LUZP1: variants seen among roughly 807,000 people sequenced by gnomAD.
LUZP1 encodes leucine zipper protein 1.
In LUZP1, 25 loss-of-function variants were observed where a neutral mutation model predicts 71.3. The observed-to-expected ratio is 0.35, with a 90% CI of 0.26 to 0.49. The LOEUF (loss-of-function observed/expected upper bound fraction) is 0.49, where lower values mean the gene tolerates loss of function less well. Among genes scored for constraint, LUZP1 ranks in the 20% least tolerant of loss-of-function variants. The pLI is 0.99. For missense variants in LUZP1, 1,142 were observed against 1,300.8 expected (o/e 0.88, Z 1.88); for synonymous variants, 481 against 506.4 (o/e 0.95, Z 0.67).
At chr1:23,121,731 T>A (rs1644131126) in intron 2 of LUZP1, among the ~76,000 whole-genome samples, 1 of 151,532 alleles carries the variant, frequency 6.6e-6, no homozygotes, top group Non-Finnish European at 1.5e-5. Flanking sequence ...TAAAAAGTAG[T>A]CTGGGCATGG....
chr1:23,142,563 G>A (rs1005780181), intron 2 of LUZP1, among the ~76,000 whole-genome samples: 4 of 152,028 alleles, frequency 2.6e-5, no homozygotes, highest in African/African-American at 7.2e-5. Flanking sequence ...GTTCTGAATC[G>A]GACTTTAGGG....
intron 2 of LUZP1, among the ~76,000 whole-genome samples, chr1:23,139,019 A>AAAAAAAAAAAAATATATATAT (rs1317355746): frequency 1.7e-5 from 1 of 59,954 alleles, no homozygotes; most frequent in Admixed American, 2.7e-4. Context: ...AAAAAAAAAA[A>AAAAAAAAAAAAATATATATAT]ATATATATAT....
chr1:23,168,165 C>T (rs1034211813), intron 2 of LUZP1, among the ~76,000 whole-genome samples: 1 of 144,026 alleles, frequency 6.9e-6, no homozygotes, highest in Non-Finnish European at 1.5e-5. Flanking sequence ...CCGCCCGGCC[C>T]GCGGCCCGCG....
intron 2 of LUZP1, among the ~76,000 whole-genome samples, chr1:23,157,627 C>T (rs1186375994): frequency 6.6e-6 from 1 of 152,050 alleles, no homozygotes; most frequent in Non-Finnish European, 1.5e-5. Context: ...CTCATCTCTA[C>T]TAAAAATACA....
intron 2 of LUZP1, among the ~76,000 whole-genome samples, chr1:23,126,638 T>G (rs1162286666): frequency 6.6e-6 from 1 of 152,124 alleles, no homozygotes; most frequent in Non-Finnish European, 1.5e-5. Context: ...TCCACAGAAG[T>G]TTAAATACGA....
intron 2 of LUZP1, among the ~76,000 whole-genome samples, chr1:23,120,849 A>C (rs1247591940): frequency 6.6e-6 from 1 of 152,206 alleles, no homozygotes; most frequent in Non-Finnish European, 1.5e-5. Flanking sequence ...TTTCATATTT[A>C]GCCTCTCTTG....
At chr1:23,177,774 G>C (rs1569734303) in exon 1 of LUZP1, 1 of 152,160 alleles carries the variant, frequency 6.6e-6, no homozygotes, top group South Asian at 2.1e-4. Flanking sequence ...AGCCGGCCGC[G>C]GGCCTGGGAA....
intron 2 of LUZP1, among the ~76,000 whole-genome samples, chr1:23,142,700 T>TACACACAC (rs60316911): frequency 3.4e-4 from 36 of 104,378 alleles, no homozygotes; most frequent in South Asian, 1.1e-3. Context: ...TATATATATA[T>TACACACAC]ACACACACAC....
intron 2 of LUZP1, among the ~76,000 whole-genome samples, chr1:23,125,130 C>T (rs1037101084): frequency 6.6e-6 from 1 of 152,192 alleles, no homozygotes; most frequent in African/African-American, 2.4e-5. Flanking sequence ...ATAGCCCTCC[C>T]TGGAAGCTGG....
At chr1:23,139,821 G>A (rs998698712) in intron 2 of LUZP1, among the ~76,000 whole-genome samples, 3 of 151,910 alleles carry the variant, frequency 2.0e-5, no homozygotes, top group South Asian at 2.1e-4. Context: ...TTGGTGGCAC[G>A]TACCTATAGA....
At chr1:23,143,338 T>C (rs572466005) in intron 2 of LUZP1, among the ~76,000 whole-genome samples, 1 of 152,298 alleles carries the variant, frequency 6.6e-6, no homozygotes, top group African/African-American at 2.4e-5. Context: ...TCTTTTAAAA[T>C]GAGTAGAATC....
At chr1:23,097,967 G>A (rs940461978) in intron 3 of LUZP1, among the ~76,000 whole-genome samples, 1 of 152,232 alleles carries the variant, frequency 6.6e-6, no homozygotes, top group Non-Finnish European at 1.5e-5. Flanking sequence ...AGATGGAGCA[G>A]TCTGAGAAGG....
chr1:23,092,941 T>C, exon 4 of LUZP1: 5 of 1,614,184 alleles, frequency 3.1e-6, no homozygotes, highest in Non-Finnish European at 4.2e-6. Context: ...CCACTGTCTG[T>C]ACTCACCCCC....
intron 2 of LUZP1, among the ~76,000 whole-genome samples, chr1:23,134,394 A>G (rs892332140): frequency 3.3e-5 from 5 of 152,108 alleles, no homozygotes; most frequent in African/African-American, 1.2e-4. Context: ...AAACAGGAGG[A>G]TCACTTCAGC....
intron 2 of LUZP1, among the ~76,000 whole-genome samples, chr1:23,149,437 T>C (rs1322929014): frequency 1.3e-5 from 2 of 152,114 alleles, no homozygotes; most frequent in Non-Finnish European, 2.9e-5. Flanking sequence ...TCAGGCTAGA[T>C]GGGGTCAAAC....
At chr1:23,170,470 T>C (rs142181683) in intron 1 of LUZP1, among the ~76,000 whole-genome samples, 1 of 102,496 alleles carries the variant, frequency 9.8e-6, no homozygotes, top group African/African-American at 3.8e-5. Flanking sequence ...TTCTTTTTTT[T>C]TTTTTTTTTT....
chr1:23,096,129 TGA>T (rs1491430415), intron 3 of LUZP1, among the ~76,000 whole-genome samples: 6 of 44,610 alleles, frequency 1.3e-4, no homozygotes, highest in South Asian at 1.3e-3. Context: ...AAAGAAGGAA[TGA>T]AAAAAAAAAA....
At chr1:23,171,750 G>T (rs1644554206) in intron 1 of LUZP1, among the ~76,000 whole-genome samples, 7 of 152,172 alleles carry the variant, frequency 4.6e-5, no homozygotes, top group Admixed American at 3.9e-4. Context: ...AGTAATCATG[G>T]CTGTAAGATT....
chr1:23,100,182 C>A (rs1359389440), intron 3 of LUZP1, among the ~76,000 whole-genome samples: 1 of 152,196 alleles, frequency 6.6e-6, no homozygotes, highest in Non-Finnish European at 1.5e-5. Flanking sequence ...CAGCAGGGAG[C>A]CTAGCACACA....
Sources: gnomAD v4.1 joint callset for allele counts (sites outside exome capture counted in the v4.1 genomes callset) on GRCh38, gnomAD v4.1.1 for gene constraint, MANE v1.5 for transcripts, NCBI Gene and HGNC (gene_info 2026-07-23, HGNC 2026-07-21) for gene names.